FNIP2: variants seen among roughly 807,000 people sequenced by gnomAD.
The protein encoded by FNIP2 is folliculin interacting protein 2.
In FNIP2, 32 loss-of-function variants were observed where a neutral mutation model predicts 108.7. That is an observed-to-expected ratio of 0.29 (90% CI 0.22 to 0.40). The LOEUF (loss-of-function observed/expected upper bound fraction) is 0.40. Ranked by LOEUF, FNIP2 falls within the 10% of genes least tolerant of loss-of-function variation. The pLI is 1.00. For missense variants in FNIP2, 1,202 were observed against 1,381.6 expected, an observed-to-expected ratio of 0.87 and a Z score of 2.06; for synonymous variants, 480 against 496.7, an observed-to-expected ratio of 0.97 and a Z score of 0.45.
chr4:158,840,394 TTTG>T lies in FNIP2; in HGVS notation c.727+4927_727+4929del, dbSNP rs371247522. Among the ~76,000 whole-genome samples the T allele has an allele frequency of 4.8e-3, 734 of 152,178 alleles. 3 individuals are homozygous for T. In the Middle Eastern group the frequency reaches 0.051, roughly 11 times the overall value. ...TGGAGTAGAAGCTAAAATTTGTTTT[TTTG>T]TTGTTGTTTTTTTTTTGAGACAAGG... is the stretch of plus-strand genomic sequence containing the variant. On this transcript the variant is annotated intron_variant, in intron 7 of 16. Transcript: ENST00000264433.
intron 1 of FNIP2, among the ~76,000 whole-genome samples, chr4:158,822,174 C>CT (rs70962634): frequency 0.27 from 32,413 of 118,170 alleles, 5,806 homozygotes; most frequent in Non-Finnish European, 0.37. Flanking sequence ...GAGTTTTCCT[C>CT]TTTTTTTTTT....
At chr4:158,851,727 C>T (rs1427389104) in intron 8 of FNIP2, among the ~76,000 whole-genome samples, 1 of 152,156 alleles carries the variant, frequency 6.6e-6, no homozygotes, top group Non-Finnish European at 1.5e-5. Flanking sequence ...ATGGTGTGCT[C>T]TCTTTAAAAT....
chr4:158,847,601 C>T (rs1779474934), intron 7 of FNIP2, among the ~76,000 whole-genome samples: 2 of 152,184 alleles, frequency 1.3e-5, no homozygotes, highest in Admixed American at 1.3e-4. Flanking sequence ...TGACCTAGCA[C>T]AGTCACTGCT....
chr4:158,872,004 G>GTT (rs1040892022), intron 14 of FNIP2: 3 of 810,908 alleles, frequency 3.7e-6, no homozygotes, highest in Admixed American at 6.5e-5. Context: ...ACTGTGAGTT[G>GTT]TTTTTTTTTT....
At chr4:158,893,819 A>G in intron 15 of FNIP2, 1 of 748,704 alleles carries the variant, frequency 1.3e-6, no homozygotes, top group Non-Finnish European at 2.2e-6. Context: ...GTCACAGTTG[A>G]TATCTTGGTT....
chr4:158,816,959 T>G lies in FNIP2; in HGVS notation c.108-8957T>G, dbSNP rs557543589. On this transcript the variant is annotated intron_variant, in intron 1 of 16. Coordinates refer to ENST00000264433, the MANE Select transcript of FNIP2 (RefSeq NM_020840.3). ...CATTTAAGAATTAAGGGAACCATTT[T>G]GGGGAAAAATGGGCCATTTATAGAG... 3.9e-5 allele frequency among the ~76,000 whole-genome samples: 6 copies of G among 152,204 alleles called. No homozygotes were observed. The South Asian group carries it at 1.2e-3, about 32-fold the overall frequency.
chr4:158,812,568 G>C (rs1777338244), intron 1 of FNIP2, among the ~76,000 whole-genome samples: 1 of 151,992 alleles, frequency 6.6e-6, no homozygotes, highest in Non-Finnish European at 1.5e-5. Flanking sequence ...AAGTTCCTTT[G>C]ACAACTGAAA....
chr4:158,779,021 C>T (rs1393649743), intron 1 of FNIP2, among the ~76,000 whole-genome samples: 4 of 152,150 alleles, frequency 2.6e-5, no homozygotes, highest in Non-Finnish European at 5.9e-5. Flanking sequence ...TTAAAGTACC[C>T]TGAAGAAATA....
intron 1 of FNIP2, chr4:158,794,752 AT>A (rs1776528089): frequency 6.6e-6 from 1 of 152,218 alleles, no homozygotes; most frequent in Admixed American, 6.5e-5. Flanking sequence ...TTAAAATTAT[AT>A]TTGTGGCTTA....
chr4:158,801,246 G>T (rs934484196), intron 1 of FNIP2, among the ~76,000 whole-genome samples: 1 of 152,092 alleles, frequency 6.6e-6, no homozygotes, highest in African/African-American at 2.4e-5. Flanking sequence ...TGTTTATAGG[G>T]GTGAGTGAGT....
intron 1 of FNIP2, among the ~76,000 whole-genome samples, chr4:158,788,389 G>A (rs972530488): frequency 6.6e-6 from 1 of 152,226 alleles, no homozygotes; most frequent in African/African-American, 2.4e-5. Flanking sequence ...GGCATGTATA[G>A]GCACAAGACA....
chr4:158,795,199 T>C (rs1776547431), intron 1 of FNIP2, among the ~76,000 whole-genome samples: 1 of 152,258 alleles, frequency 6.6e-6, no homozygotes, highest in South Asian at 2.1e-4. Context: ...CGTGGTATAA[T>C]GAGGTTTTGT....
chr4:158,896,696 T>C (rs1236248863), intron 16 of FNIP2, among the ~76,000 whole-genome samples: 1 of 152,132 alleles, frequency 6.6e-6, no homozygotes, highest in East Asian at 1.9e-4. Flanking sequence ...CATAGATTAT[T>C]CTTACATACT....
chr4:158,887,756 AAC>A (rs1491021472), intron 14 of FNIP2, among the ~76,000 whole-genome samples: 1 of 151,566 alleles, frequency 6.6e-6, no homozygotes. Flanking sequence ...AAAAAAAAAA[AAC>A]CCAAGAGGAA....
rs951340592 is a variant in FNIP2 at position 158,843,590 on chromosome 4, G to C, written c.728-7731G>C. On this transcript the variant is annotated intron_variant, in intron 7 of 16. Transcript: ENST00000264433. ...CTGAGGAAAAGAAAACTTATGGAAG[G>C]CCTCTCTGAGAAGATGACATTTCAG... is the stretch of plus-strand genomic sequence containing the variant. 2.0e-5 allele frequency among the ~76,000 whole-genome samples: 3 copies of C among 152,186 alleles called. No individual in the cohort carries two copies. In the South Asian group the frequency reaches 6.2e-4, roughly 32 times the overall value.
At chr4:158,801,794 C>T (rs1266374818) in intron 1 of FNIP2, among the ~76,000 whole-genome samples, 1 of 152,146 alleles carries the variant, frequency 6.6e-6, no homozygotes, top group Non-Finnish European at 1.5e-5. Context: ...GTTTAGATGG[C>T]ATTAAGGTAG....
chr4:158,826,964 G>T (rs541217744), intron 2 of FNIP2, among the ~76,000 whole-genome samples: 1 of 152,212 alleles, frequency 6.6e-6, no homozygotes, highest in Non-Finnish European at 1.5e-5. Context: ...CGCAGTCTTT[G>T]TCTCATCAGG....
chr4:158,876,648 C>T (rs963021311), intron 14 of FNIP2, among the ~76,000 whole-genome samples: 8 of 152,232 alleles, frequency 5.3e-5, no homozygotes, highest in African/African-American at 1.9e-4. Flanking sequence ...TGCCTTGAAG[C>T]AGAAAGCAGG....
chr4:158,849,206 G>A (rs574257920), intron 7 of FNIP2, among the ~76,000 whole-genome samples: 3 of 152,272 alleles, frequency 2.0e-5, no homozygotes, highest in South Asian at 4.1e-4. Context: ...GTTTCATGGC[G>A]GGCTTTGGGG....
Sources: allele counts gnomAD v4.1 joint callset (sites outside exome capture counted in the v4.1 genomes callset), GRCh38; gene constraint gnomAD v4.1.1; transcripts MANE v1.5; gene names NCBI Gene and HGNC (gene_info 2026-07-23, HGNC 2026-07-21).